MAST4: variants seen among roughly 807,000 people sequenced by gnomAD.
MAST4 encodes microtubule associated serine/threonine kinase family member 4, also known as microtubule-associated serine/threonine-protein kinase 4.
A neutral mutation model predicts 162.7 loss-of-function variants in MAST4; 89 were observed. The observed-to-expected ratio is 0.55, with a 90% CI of 0.46 to 0.65. The LOEUF is 0.65. Ranked by LOEUF, MAST4 falls within the 30% of genes least tolerant of loss-of-function variation. The pLI is 0.00. For missense variants in MAST4, 3,153 were observed against 3,374.0 expected (o/e 0.93, Z 1.62); for synonymous variants, 1,479 against 1,361.1 (o/e 1.09, Z -1.91).
chr5:66,712,487 CTTAT>C (rs1750556365), intron 1 of MAST4, among the ~76,000 whole-genome samples: 1 of 152,150 alleles, frequency 6.6e-6, no homozygotes, highest in Non-Finnish European at 1.5e-5. Flanking sequence ...GGAGAAAAGA[CTTAT>C]TTGTCTTATT....
chr5:66,826,312 G>T (rs1757251776), intron 3 of MAST4, among the ~76,000 whole-genome samples: 1 of 151,458 alleles, frequency 6.6e-6, no homozygotes, highest in African/African-American at 2.4e-5. Flanking sequence ...CACTCACTTA[G>T]ATTTTATCTC....
intron 1 of MAST4, among the ~76,000 whole-genome samples, chr5:66,699,836 G>A (rs1197965691): frequency 1.3e-5 from 2 of 151,948 alleles, no homozygotes; most frequent in Non-Finnish European, 2.9e-5. Flanking sequence ...TAGGTGATGG[G>A]TTGATGGGTG....
intron 1 of MAST4, among the ~76,000 whole-genome samples, chr5:66,727,002 A>G (rs774190499): frequency 2.0e-5 from 3 of 152,090 alleles, no homozygotes; most frequent in African/African-American, 4.8e-5. Flanking sequence ...GACTGTTCCA[A>G]TGGTTCTGGT....
intron 3 of MAST4, among the ~76,000 whole-genome samples, chr5:66,809,576 T>C (rs1174634640): frequency 6.6e-6 from 1 of 152,186 alleles, no homozygotes; most frequent in East Asian, 1.9e-4. Context: ...TCCATTGACA[T>C]TTTTATAAGA....
intron 1 of MAST4, among the ~76,000 whole-genome samples, chr5:66,719,118 C>T (rs575083628): frequency 1.4e-4 from 21 of 152,244 alleles, no homozygotes; most frequent in Admixed American, 1.2e-3. Context: ...AATTATTTTC[C>T]TTTTGGGGGC....
chr5:66,675,864 A>G (rs1239443716), intron 1 of MAST4, among the ~76,000 whole-genome samples: 4 of 152,254 alleles, frequency 2.6e-5, no homozygotes, highest in Non-Finnish European at 5.9e-5. Context: ...ACTTTACAGC[A>G]TCACATGTGA....
intron 4 of MAST4, among the ~76,000 whole-genome samples, chr5:66,995,892 C>T (rs577408288): frequency 2.0e-5 from 3 of 149,372 alleles, no homozygotes; most frequent in African/African-American, 4.9e-5. Flanking sequence ...CTCACATACA[C>T]ACACACACAC....
intron 3 of MAST4, among the ~76,000 whole-genome samples, chr5:66,856,687 A>G (rs1251342474): frequency 1.3e-5 from 2 of 152,204 alleles, no homozygotes; most frequent in Non-Finnish European, 2.9e-5. Context: ...CTTATATCTG[A>G]TTTTGAGTCA....
chr5:66,983,993 G>A (rs1320851482), intron 4 of MAST4, among the ~76,000 whole-genome samples: 3 of 152,216 alleles, frequency 2.0e-5, no homozygotes, highest in Admixed American at 6.5e-5. Flanking sequence ...ATTTCAGCAA[G>A]TGTTTTTGAG....
chr5:67,123,122 G>A (rs576522285), intron 14 of MAST4, among the ~76,000 whole-genome samples: 4 of 152,226 alleles, frequency 2.6e-5, no homozygotes, highest in Non-Finnish European at 4.4e-5. Flanking sequence ...ATCCCGCCAC[G>A]GGTGGCTGAA....
At chr5:66,775,962 G>T (rs982221237) in intron 2 of MAST4, among the ~76,000 whole-genome samples, 1 of 152,172 alleles carries the variant, frequency 6.6e-6, no homozygotes, top group South Asian at 2.1e-4. Flanking sequence ...AGATATTGTT[G>T]AGAAAGAATT....
At chr5:66,973,663 T>A (rs1581068768) in intron 4 of MAST4, among the ~76,000 whole-genome samples, 1 of 152,190 alleles carries the variant, frequency 6.6e-6, no homozygotes, top group East Asian at 1.9e-4. Flanking sequence ...TTTCACCCAG[T>A]GGTTTTTGCT....
At chr5:66,713,089 C>T (rs993931240) in intron 1 of MAST4, among the ~76,000 whole-genome samples, 7 of 152,212 alleles carry the variant, frequency 4.6e-5, no homozygotes, top group Non-Finnish European at 1.0e-4. Context: ...TCTAAATCAG[C>T]ATGTAGCAGA....
chr5:67,060,153 T>G (rs1019757836), intron 5 of MAST4, among the ~76,000 whole-genome samples: 4 of 152,234 alleles, frequency 2.6e-5, no homozygotes, highest in African/African-American at 7.2e-5. Flanking sequence ...TTTCTCCTTT[T>G]GATTTCTTTT....
intron 1 of MAST4, among the ~76,000 whole-genome samples, chr5:66,719,209 C>A (rs1751044562): frequency 6.6e-6 from 1 of 152,198 alleles, no homozygotes; most frequent in African/African-American, 2.4e-5. Flanking sequence ...GCCTTGGGTA[C>A]CTCCTCTTGT....
At chr5:66,658,546 T>C (rs1330061609) in intron 1 of MAST4, among the ~76,000 whole-genome samples, 1 of 152,156 alleles carries the variant, frequency 6.6e-6, no homozygotes, top group Non-Finnish European at 1.5e-5. Flanking sequence ...ATAACCAGTA[T>C]TGTTAAAATG....
chr5:66,699,024 G>T (rs927976961), intron 1 of MAST4, among the ~76,000 whole-genome samples: 1 of 152,094 alleles, frequency 6.6e-6, no homozygotes, highest in African/African-American at 2.4e-5. Context: ...TCATTTCTCT[G>T]CTTAGAATCT....
At position 66,675,420 on chromosome 5, in the gene MAST4, A is replaced by T. The variant is rs117374371; in HGVS notation, c.363+78402A>T. On this transcript the variant is annotated intron_variant, in intron 1 of 28. Coordinates refer to ENST00000403625, the MANE Select transcript of MAST4 (RefSeq NM_001164664.2). Reference sequence around the variant, plus strand: ...TGGTTAATGATGAGCCATTCATATCAGAGGAAATTCATCCTTTTTGATAGG... The same window carrying T: ...TGGTTAATGATGAGCCATTCATATCTGAGGAAATTCATCCTTTTTGATAGG... Among the ~76,000 whole-genome samples the T allele has an allele frequency of 2.0e-5, 3 of 152,344 alleles. No homozygotes were observed. In the East Asian group the frequency reaches 5.8e-4, roughly 29 times the overall value.
At chr5:66,922,885 G>A (rs1451024715) in intron 4 of MAST4, among the ~76,000 whole-genome samples, 2 of 152,122 alleles carry the variant, frequency 1.3e-5, no homozygotes, top group African/African-American at 4.8e-5. Context: ...ATTTAGGGCG[G>A]CACATGTTCC....
Sources: gnomAD v4.1 joint callset for allele counts (sites outside exome capture counted in the v4.1 genomes callset) on GRCh38, gnomAD v4.1.1 for gene constraint, MANE v1.5 for transcripts, NCBI Gene and HGNC (gene_info 2026-07-23, HGNC 2026-07-21) for gene names.